The following LAMA2 variants were observed in gnomAD, a reference collection of about 807,000 sequenced individuals.
The protein encoded by LAMA2 is laminin subunit alpha-2.
A neutral mutation model predicts 364.8 loss-of-function variants in LAMA2; 269 were observed. The ratio of observed to expected loss-of-function variants is 0.74; its 90% CI spans 0.67 to 0.82. The LOEUF (loss-of-function observed/expected upper bound fraction) is 0.82. Among genes scored for constraint, LAMA2 ranks in the 40% least tolerant of loss-of-function variants. The pLI is 0.00. For synonymous variants in LAMA2, 1,379 were observed against 1,370.6 expected (o/e 1.01, Z -0.14); for missense variants, 3,807 against 3,873.2 (o/e 0.98, Z 0.45).
At chr6:129,013,034 A>G (rs1006485511) in intron 1 of LAMA2, among the ~76,000 whole-genome samples, 2 of 152,248 alleles carry the variant, frequency 1.3e-5, no homozygotes, top group African/African-American at 4.8e-5. Flanking sequence ...ACTTTTAGAG[A>G]TAAAGCAAAT....
intron 31 of LAMA2, among the ~76,000 whole-genome samples, chr6:129,352,895 CATTATT>C (rs112598431): frequency 1.3e-5 from 2 of 151,366 alleles, no homozygotes; most frequent in South Asian, 2.1e-4. Flanking sequence ...AGTAATTTAA[CATTATT>C]ATTATTATTA....
chr6:129,286,694 AATAT>A (rs1286626291), intron 18 of LAMA2, among the ~76,000 whole-genome samples: 1 of 4,306 alleles, frequency 2.3e-4, no homozygotes, highest in African/African-American at 3.7e-4. Context: ...ATATTTATAT[AATAT>A]ATATAATAAT....
intron 12 of LAMA2, among the ~76,000 whole-genome samples, chr6:129,202,119 C>T (rs1042969840): frequency 6.1e-5 from 8 of 132,040 alleles, no homozygotes; most frequent in Non-Finnish European, 1.1e-4. Context: ...ACCTGGGAGG[C>T]GATGGTTTCA....
intron 40 of LAMA2, among the ~76,000 whole-genome samples, chr6:129,426,464 T>A (rs1479959318): frequency 1.3e-5 from 2 of 151,736 alleles, no homozygotes; most frequent in African/African-American, 4.8e-5. Flanking sequence ...ATTTTGACAC[T>A]CTTTTTTTTT....
At chr6:128,962,185 T>TATATATATATATATATACAC (rs1214826895) in intron 1 of LAMA2, among the ~76,000 whole-genome samples, 6 of 103,916 alleles carry the variant, frequency 5.8e-5, no homozygotes, top group Non-Finnish European at 8.0e-5. Context: ...TATATATATA[T>TATATATATATATATATACAC]ACACACATAC....
intron 56 of LAMA2, among the ~76,000 whole-genome samples, chr6:129,489,573 T>C (rs1784759850): frequency 6.6e-6 from 1 of 152,190 alleles, no homozygotes; most frequent in South Asian, 2.1e-4. Context: ...ACTGAGTTTT[T>C]CTTCTGGGAA....
At chr6:129,327,845 T>A (rs1452557983) in intron 28 of LAMA2, among the ~76,000 whole-genome samples, 1 of 152,230 alleles carries the variant, frequency 6.6e-6, no homozygotes, top group African/African-American at 2.4e-5. Flanking sequence ...AAATAATGCA[T>A]CCATAACACT....
At chr6:129,374,462 A>T (rs1291686794) in intron 34 of LAMA2, among the ~76,000 whole-genome samples, 1 of 152,186 alleles carries the variant, frequency 6.6e-6, no homozygotes, top group Admixed American at 6.5e-5. Flanking sequence ...GAGTCAGACC[A>T]CTGGGATATT....
chr6:129,171,381 A>G (rs1428612709), intron 9 of LAMA2, among the ~76,000 whole-genome samples: 2 of 151,922 alleles, frequency 1.3e-5, no homozygotes, highest in African/African-American at 2.4e-5. Context: ...TGGTGACAAA[A>G]TCTCTCAGCA....
At chr6:128,929,700 C>T (rs1779331787) in intron 1 of LAMA2, 1 of 1,400,604 alleles carries the variant, frequency 7.1e-7, no homozygotes, top group Admixed American at 1.7e-5. Context: ...GGCAATCACC[C>T]GATGAAACCT....
At position 129,256,766 on chromosome 6, in the gene LAMA2, ATATATATATATATATAT is replaced by A. The variant is rs1786712867; in HGVS notation, c.2097-3944_2097-3928del. ...ATATAAAAAACAAATTATATAGCAT[ATATATATATATATATAT>A]ATATATATATATATATAGTGGGTAG... On this transcript the variant is annotated intron_variant, in intron 14 of 64. Coordinates refer to ENST00000421865, the MANE Select transcript of LAMA2 (RefSeq NM_000426.4). 4.3e-5 allele frequency among the ~76,000 whole-genome samples: 4 copies of A among 92,256 alleles called. 1 individual carries two copies. The highest frequency in any genetic ancestry group is 4.9e-5 in the Non-Finnish European group (2 of 41,036). 60.5% of individuals were successfully genotyped at this position (92,256 alleles called of 152,430 possible).
chr6:129,494,683 G>C lies in LAMA2; in HGVS notation c.8244+2200G>C, dbSNP rs147839001. Among the ~76,000 whole-genome samples the C allele has an allele frequency of 5.7e-3, 864 of 152,296 alleles. 11 individuals carry two copies. The highest frequency in any genetic ancestry group is 3.5e-3 in the Non-Finnish European group (241 of 68,022). The stretch of plus-strand genomic sequence containing the variant: ...TAGCAAGTGGAAAGCTGTCAGTCAT[G>C]GGGGGTTAGTTCCAGGAGTTGATTT... On this transcript the variant is annotated intron_variant, in intron 58 of 64. Transcript: ENST00000421865.
intron 35 of LAMA2, among the ~76,000 whole-genome samples, chr6:129,390,868 C>T (rs967540556): frequency 2.6e-5 from 4 of 152,122 alleles, no homozygotes; most frequent in African/African-American, 9.7e-5. Flanking sequence ...TTTGAAACCC[C>T]ATTTAATGCA....
intron 49 of LAMA2, among the ~76,000 whole-genome samples, chr6:129,461,511 A>T (rs188798011): frequency 4.6e-4 from 70 of 152,190 alleles, no homozygotes; most frequent in Admixed American, 8.5e-4. Flanking sequence ...CTTTCAATAC[A>T]TGAAAGACAG....
chr6:129,324,372 A>C (rs1444995678), intron 28 of LAMA2, among the ~76,000 whole-genome samples: 1 of 152,228 alleles, frequency 6.6e-6, no homozygotes, highest in African/African-American at 2.4e-5. Flanking sequence ...ATACAGTTAC[A>C]CCAACATCAT....
At chr6:129,379,651 G>A (rs144401132) in intron 34 of LAMA2, among the ~76,000 whole-genome samples, 137 of 152,212 alleles carry the variant, frequency 9.0e-4, no homozygotes, top group Middle Eastern at 6.8e-3. Flanking sequence ...CCCCACCAGC[G>A]TGGAACTTCG....
chr6:129,306,313 CTTTTTTTTTTT>C (rs11315443), intron 22 of LAMA2, among the ~76,000 whole-genome samples: 1 of 70,416 alleles, frequency 1.4e-5, no homozygotes, highest in African/African-American at 5.3e-5. Context: ...TAATTTTTTC[CTTTTTTTTTTT>C]TTTTTTTTTG....
chr6:129,330,591 G>GTTTTTTTTTTTTTTTTT lies in LAMA2; in HGVS notation c.4311+2179_4311+2180insTTTTTTTTTTTTTTTTT, dbSNP rs1491387157. On this transcript the variant is annotated intron_variant, in intron 29 of 64. Transcript: ENST00000421865. ...TTGAAGCGTTTTTTTGTTGTTGTTTGGTTTTTGTTTTTTTTTTTTTTTTTC... is the reference window on the plus strand; with the variant it reads ...TTGAAGCGTTTTTTTGTTGTTGTTTGTTTTTTTTTTTTTTTTTGTTTTTGTTTTTTTTTTTTTTTTTC... 8.4e-5 allele frequency among the ~76,000 whole-genome samples: 7 copies of GTTTTTTTTTTTTTTTTT among 83,816 alleles called. 2 individuals are homozygous for GTTTTTTTTTTTTTTTTT. Among genetic ancestry groups the GTTTTTTTTTTTTTTTTT allele is most frequent in the South Asian group, 8.7e-4 (2 of 2,296 alleles). The allele number at this position is 83,816 out of a possible 152,430, so 55.0% of individuals were successfully genotyped here. A position where few individuals can be genotyped will look rare whatever the true frequency, so the allele number is the denominator to read the frequency against.
chr6:129,284,582 A>G (rs556307036), intron 18 of LAMA2, among the ~76,000 whole-genome samples: 134 of 152,244 alleles, frequency 8.8e-4, no homozygotes, highest in Middle Eastern at 3.4e-3. Flanking sequence ...TTAAGCCAGC[A>G]TTATATTGTT....
Sources: allele counts gnomAD v4.1 joint callset (sites outside exome capture counted in the v4.1 genomes callset), GRCh38; gene constraint gnomAD v4.1.1; transcripts MANE v1.5; gene names NCBI Gene and HGNC (gene_info 2026-07-23, HGNC 2026-07-21).